FCHO2: variants seen among roughly 807,000 people sequenced by gnomAD.
The protein encoded by FCHO2 is F-BAR domain only protein 2.
FCHO2 carries 43 observed loss-of-function variants against 114.1 expected under a neutral mutation model. That is an observed-to-expected ratio of 0.38 (90% CI 0.30 to 0.49). The LOEUF is 0.49. Ranked by LOEUF, FCHO2 falls within the 20% of genes least tolerant of loss-of-function variation. The pLI, the probability that FCHO2 is intolerant of heterozygous loss-of-function variation, is 0.97. For missense variants in FCHO2, 807 were observed against 950.4 expected (o/e 0.85, Z 1.98); for synonymous variants, 293 against 315.2 (o/e 0.93, Z 0.75).
intron 11 of FCHO2, chr5:73,051,022 T>G (rs1168802075): frequency 3.9e-6 from 1 of 256,850 alleles, no homozygotes; most frequent in East Asian, 1.3e-4. Context: ...ACTAACTTAT[T>G]CTTCCTCATT....
Position 73,089,941 on chromosome 5 carries a change from T to C in FCHO2, c.*1851T>C, listed in dbSNP as rs1743433028. 6.6e-6 allele frequency: 1 copy of C among 152,608 alleles called. No individual in the cohort carries two copies. Among genetic ancestry groups the C allele is most frequent in the African/African-American group, 2.4e-5 (1 of 41,468 alleles). The allele number at this position is 152,608 out of a possible 1,614,324, so 9.5% of individuals were successfully genotyped here. On this transcript the variant is annotated 3_prime_UTR_variant, in exon 26 of 26. Coordinates refer to ENST00000430046, the MANE Select transcript of FCHO2 (RefSeq NM_138782.3). Reference sequence around the variant, plus strand: ...TGAGCTAAATTAGAATTTCTAACTCTTATATTGTGCTCTTTTAAATGCCAA... The same window carrying C: ...TGAGCTAAATTAGAATTTCTAACTCCTATATTGTGCTCTTTTAAATGCCAA...
At chr5:73,058,037 G>T (rs1305232368) in intron 16 of FCHO2, among the ~76,000 whole-genome samples, 1 of 151,954 alleles carries the variant, frequency 6.6e-6, no homozygotes, top group Non-Finnish European at 1.5e-5. Context: ...TACGGACGGG[G>T]TCTTGCTCTG....
chr5:73,082,304 T>TTTATGGA (rs1743123879), intron 23 of FCHO2, among the ~76,000 whole-genome samples: 1 of 151,280 alleles, frequency 6.6e-6, no homozygotes, highest in South Asian at 2.1e-4. Context: ...ATTTTATGGA[T>TTTATGGA]TAAATATAGC....
intron 5 of FCHO2, chr5:72,997,181 C>A: frequency 1.8e-6 from 2 of 1,132,898 alleles, no homozygotes; most frequent in South Asian, 2.5e-5. Context: ...TGGAACGCCT[C>A]CTGACTTCAT....
intron 10 of FCHO2, among the ~76,000 whole-genome samples, chr5:73,040,218 G>A (rs895463095): frequency 6.6e-6 from 1 of 152,090 alleles, no homozygotes; most frequent in African/African-American, 2.4e-5. Flanking sequence ...AAGTGTTTTG[G>A]ATTTCAGATT....
At chr5:73,004,500 T>G (rs1754610425) in intron 5 of FCHO2, among the ~76,000 whole-genome samples, 1 of 152,302 alleles carries the variant, frequency 6.6e-6, no homozygotes. Flanking sequence ...CAGCAAAATA[T>G]CATGATGTGT....
At chr5:72,998,227 C>A (rs188706972) in intron 5 of FCHO2, among the ~76,000 whole-genome samples, 3,367 of 152,184 alleles carry the variant, frequency 0.022, 55 homozygotes, top group Non-Finnish European at 0.029. Context: ...GTGGCTCACA[C>A]CTGTAATCCC....
chr5:73,004,203 A>G (rs1754594089), intron 5 of FCHO2, among the ~76,000 whole-genome samples: 1 of 152,172 alleles, frequency 6.6e-6, no homozygotes, highest in Admixed American at 6.6e-5. Context: ...GCATGCCATT[A>G]TAATTGTTTT....
intron 9 of FCHO2, among the ~76,000 whole-genome samples, chr5:73,036,549 A>AT (rs779185900): frequency 6.6e-6 from 1 of 150,730 alleles, no homozygotes; most frequent in African/African-American, 2.4e-5. Flanking sequence ...AATCTTTTGT[A>AT]TTTTTTTGTA....
chr5:72,998,358 G>T (rs1754241960), intron 5 of FCHO2, among the ~76,000 whole-genome samples: 1 of 151,916 alleles, frequency 6.6e-6, no homozygotes. Flanking sequence ...GTGGTGGCGG[G>T]CGCCTGTAGT....
intron 8 of FCHO2, among the ~76,000 whole-genome samples, chr5:73,031,595 C>T (rs1756245121): frequency 6.6e-6 from 1 of 152,106 alleles, no homozygotes; most frequent in Non-Finnish European, 1.5e-5. Flanking sequence ...AAGTTTTAAT[C>T]CAAATTAGGT....
chr5:73,051,927 C>G (rs1757356769), intron 12 of FCHO2, among the ~76,000 whole-genome samples: 1 of 151,372 alleles, frequency 6.6e-6, no homozygotes. Flanking sequence ...GTCTGTTTTT[C>G]TCTTTGGTTT....
At chr5:73,001,723 G>T (rs1362937857) in intron 5 of FCHO2, among the ~76,000 whole-genome samples, 8 of 151,838 alleles carry the variant, frequency 5.3e-5, no homozygotes, top group Non-Finnish European at 1.2e-4. Flanking sequence ...CAAGGCAGGA[G>T]CCCAGGAGTT....
intron 8 of FCHO2, among the ~76,000 whole-genome samples, chr5:73,033,031 T>G (rs945137795): frequency 8.5e-5 from 13 of 152,178 alleles, no homozygotes; most frequent in Non-Finnish European, 1.5e-5. Flanking sequence ...CAGCCTGCCT[T>G]CATCTCATTG....
chr5:73,040,943 G>C (rs1211377636), intron 10 of FCHO2, among the ~76,000 whole-genome samples: 1 of 151,972 alleles, frequency 6.6e-6, no homozygotes, highest in Non-Finnish European at 1.5e-5. Flanking sequence ...AGCCTTGTAG[G>C]ACTGACAGCT....
intron 24 of FCHO2, among the ~76,000 whole-genome samples, chr5:73,087,286 C>G (rs564288529): frequency 2.6e-5 from 4 of 152,236 alleles, no homozygotes; most frequent in Admixed American, 6.5e-5. Flanking sequence ...TTTCTCTGGG[C>G]TGTCCTCAGT....
At position 73,056,082 on chromosome 5, in the gene FCHO2, T is replaced by C; in HGVS notation, c.1228T>C (p.Ser410Pro). 1 of 1,526,796 alleles carries C rather than the reference T, an allele frequency of 6.5e-7. No individual in the cohort carries two copies. Among genetic ancestry groups the C allele is most frequent in the Admixed American group, 2.2e-5 (1 of 44,712 alleles). 94.6% of individuals were successfully genotyped at this position (1,526,796 alleles called of 1,614,324 possible). ...TTAATTAGATGAGGAGTTAACAAAA[T>C]CAAAGCCATCTGCTCCACCCAATGA... is the stretch of plus-strand genomic sequence containing the variant. ...RNLSNEELTK[S>P]KPSAPPNEKG... Residue 410 changes from serine (S) to proline (P), a missense_variant, in exon 16 of 26, where the codon TCA becomes CCA. Ser to Pro is a moderately conservative substitution (Grantham distance 74). Coordinates refer to ENST00000430046, the MANE Select transcript of FCHO2 (RefSeq NM_138782.3).
At chr5:72,958,906 A>T (rs914401040) in intron 1 of FCHO2, among the ~76,000 whole-genome samples, 1 of 152,184 alleles carries the variant, frequency 6.6e-6, no homozygotes, top group African/African-American at 2.4e-5. Flanking sequence ...CTTTGAGCAT[A>T]GCTTTGTTTG....
chr5:73,041,528 A>G (rs554577010), intron 11 of FCHO2, among the ~76,000 whole-genome samples: 75 of 152,102 alleles, frequency 4.9e-4, no homozygotes, highest in Non-Finnish European at 6.2e-4. Context: ...CCACCTTTGA[A>G]GAGTGGACAT....
Sources: allele counts gnomAD v4.1 joint callset (sites outside exome capture counted in the v4.1 genomes callset), GRCh38; gene constraint gnomAD v4.1.1; transcripts MANE v1.5; gene names NCBI Gene and HGNC (gene_info 2026-07-23, HGNC 2026-07-21).